The following TCF7L2 variants were observed in gnomAD, a reference collection of about 807,000 sequenced individuals.
The protein encoded by TCF7L2 is transcription factor 7-like 2.
TCF7L2 carries 23 observed loss-of-function variants against 77.9 expected under a neutral mutation model. That is an observed-to-expected ratio of 0.30 (90% CI 0.21 to 0.42). The LOEUF (loss-of-function observed/expected upper bound fraction) is 0.42, where lower values mean the gene tolerates loss of function less well. Among genes scored for constraint, TCF7L2 ranks in the 10% least tolerant of loss-of-function variants. The pLI, the probability that TCF7L2 is intolerant of heterozygous loss-of-function variation, is 1.00. For missense variants in TCF7L2, 654 were observed against 793.1 expected, an observed-to-expected ratio of 0.82 and a Z score of 2.11; for synonymous variants, 413 against 340.2, an observed-to-expected ratio of 1.21 and a Z score of -2.36.
chr10:113,003,327 G>A (rs2044843264), intron 4 of TCF7L2, among the ~76,000 whole-genome samples: 2 of 152,126 alleles, frequency 1.3e-5, no homozygotes, highest in Admixed American at 1.3e-4. Flanking sequence ...ACGTGCCCCT[G>A]GAGACCCTTT....
At chr10:112,952,801 T>C (rs2032216928) in intron 3 of TCF7L2, among the ~76,000 whole-genome samples, 1 of 152,044 alleles carries the variant, frequency 6.6e-6, no homozygotes, top group South Asian at 2.1e-4. Context: ...CCCTGACATT[T>C]GTTAATACGG....
chr10:113,068,196 G>A (rs931162323), intron 5 of TCF7L2, among the ~76,000 whole-genome samples: 7 of 152,184 alleles, frequency 4.6e-5, no homozygotes, highest in African/African-American at 1.7e-4. Context: ...TCAAAAAAGT[G>A]GCTAATGAAG....
chr10:113,132,851 G>A (rs1406333226), intron 5 of TCF7L2: 1 of 152,184 alleles, frequency 6.6e-6, no homozygotes, highest in Non-Finnish European at 1.5e-5. Flanking sequence ...CTTCATCCCT[G>A]AGACCTGGCA....
At chr10:113,020,079 C>T (rs1267944896) in intron 4 of TCF7L2, among the ~76,000 whole-genome samples, 3 of 151,918 alleles carry the variant, frequency 2.0e-5, no homozygotes, top group Non-Finnish European at 2.9e-5. Flanking sequence ...TGCTGTGGCC[C>T]GAGGGTAAGC....
At chr10:113,102,212 G>T (rs1387504215) in intron 5 of TCF7L2, among the ~76,000 whole-genome samples, 1 of 151,038 alleles carries the variant, frequency 6.6e-6, no homozygotes, top group Non-Finnish European at 1.5e-5. Flanking sequence ...AGGAGCGTGT[G>T]CTCTGTACTC....
intron 4 of TCF7L2, among the ~76,000 whole-genome samples, chr10:112,969,609 A>G (rs1335411331): frequency 6.6e-6 from 1 of 152,212 alleles, no homozygotes; most frequent in East Asian, 1.9e-4. Context: ...CAGGGCCAGT[A>G]GTTGTTAGGT....
At chr10:112,974,383 T>C (rs2038943615) in intron 4 of TCF7L2, among the ~76,000 whole-genome samples, 1 of 152,182 alleles carries the variant, frequency 6.6e-6, no homozygotes, top group African/African-American at 2.4e-5. Flanking sequence ...GTGCCTCTTA[T>C]GGGCCACGGC....
intron 5 of TCF7L2, among the ~76,000 whole-genome samples, chr10:113,076,275 CT>C (rs1159071626): frequency 6.6e-6 from 1 of 152,072 alleles, no homozygotes; most frequent in Non-Finnish European, 1.5e-5. Flanking sequence ...GCAGCTGGGA[CT>C]ATAGGTGTGA....
In TCF7L2 at chr10:113,166,822, C is replaced by CT. The variant is rs949646901; in HGVS notation, c.*860dup. On this transcript the variant is annotated 3_prime_UTR_variant, in exon 14 of 14. Coordinates refer to ENST00000627217, the MANE Select transcript of TCF7L2 (RefSeq NM_001146274.2). Reference sequence around the variant, plus strand: ...ATATATTTTTGTTTCCCCTTTTTGACTTTTTTTTTTCTGTATGAAACCCAG... The same window carrying CT: ...ATATATTTTTGTTTCCCCTTTTTGACTTTTTTTTTTTCTGTATGAAACCCAG... 6.6e-3 allele frequency: 1,401 copies of CT among 211,920 alleles called. No homozygotes were observed. The highest frequency in any genetic ancestry group is 9.1e-3 in the East Asian group (126 of 13,868). The allele number at this position is 211,920 out of a possible 1,614,324, so 13.1% of individuals were successfully genotyped here.
At chr10:113,154,591 G>A (rs1419717653) in intron 11 of TCF7L2, among the ~76,000 whole-genome samples, 1 of 152,182 alleles carries the variant, frequency 6.6e-6, no homozygotes, top group Non-Finnish European at 1.5e-5. Context: ...AAGGCAGACT[G>A]TGATAGCTTC....
chr10:113,159,888 C>T lies in TCF7L2; in HGVS notation c.1319-731C>T, dbSNP rs757795955. On this transcript the variant is annotated intron_variant, in intron 12 of 13. Transcript: ENST00000627217. ...CTCTCCCTTTCTCCCACGTTCTCCTCCTCTGCTCGCTTCTCTCTTGAACTC... is the reference window on the plus strand; with the variant it reads ...CTCTCCCTTTCTCCCACGTTCTCCTTCTCTGCTCGCTTCTCTCTTGAACTC... 8.6e-6 allele frequency: 11 copies of T among 1,286,508 alleles called. No homozygotes were observed. The East Asian group carries it at 1.6e-4, about 19-fold the overall frequency. 79.7% of individuals were successfully genotyped at this position (1,286,508 alleles called of 1,614,324 possible).
intron 4 of TCF7L2, among the ~76,000 whole-genome samples, chr10:113,000,976 A>T (rs1430367495): frequency 6.6e-6 from 1 of 152,214 alleles, no homozygotes; most frequent in Non-Finnish European, 1.5e-5. Context: ...ATGTGTGAAC[A>T]GGGTTTTGAC....
At chr10:113,142,325 G>T (rs1251888402) in intron 6 of TCF7L2, among the ~76,000 whole-genome samples, 1 of 152,176 alleles carries the variant, frequency 6.6e-6, no homozygotes, top group African/African-American at 2.4e-5. Context: ...TTCATTGACT[G>T]CTTTTTTCCC....
chr10:112,977,145 T>G (rs906193573), intron 4 of TCF7L2, among the ~76,000 whole-genome samples: 1 of 152,214 alleles, frequency 6.6e-6, no homozygotes, highest in Admixed American at 6.5e-5. Flanking sequence ...CATTCTTTTC[T>G]CTTTCCAAAC....
At chr10:113,162,201 A>G (rs2073268868) in intron 13 of TCF7L2, among the ~76,000 whole-genome samples, 1 of 152,220 alleles carries the variant, frequency 6.6e-6, no homozygotes, top group African/African-American at 2.4e-5. Context: ...CTGGTTAACC[A>G]CAAGGGTCAC....
intron 4 of TCF7L2, among the ~76,000 whole-genome samples, chr10:112,990,498 G>C (rs1191644029): frequency 6.6e-6 from 1 of 151,956 alleles, no homozygotes; most frequent in Non-Finnish European, 1.5e-5. Flanking sequence ...CTTGAGCCCA[G>C]AAATTCGAGA....
chr10:113,055,308 G>A (rs1171611286), intron 5 of TCF7L2, among the ~76,000 whole-genome samples: 2 of 152,044 alleles, frequency 1.3e-5, no homozygotes, highest in Admixed American at 1.3e-4. Context: ...TAAAATTTTT[G>A]CCAATTTGCT....
intron 5 of TCF7L2, among the ~76,000 whole-genome samples, chr10:113,071,323 C>T (rs1458423624): frequency 6.6e-6 from 1 of 152,088 alleles, no homozygotes; most frequent in Non-Finnish European, 1.5e-5. Context: ...CTTGTGACTG[C>T]TGTGTTGGCA....
At chr10:113,150,881 G>A (rs2137117592) in intron 8 of TCF7L2, 117 bp from the exon 9 acceptor site, 2 of 1,384,250 alleles carry the variant, frequency 1.4e-6, no homozygotes, top group Non-Finnish European at 2.0e-6. Context: ...TATGCCTTGG[G>A]TTGCTTTCAT....
Sources: gnomAD v4.1 joint callset for allele counts (sites outside exome capture counted in the v4.1 genomes callset) on GRCh38, gnomAD v4.1.1 for gene constraint, MANE v1.5 for transcripts, NCBI Gene and HGNC (gene_info 2026-07-23, HGNC 2026-07-21) for gene names.